RBM27: variants seen among roughly 807,000 people sequenced by gnomAD.
RBM27 encodes the protein RNA-binding protein 27.
RBM27 carries 22 observed loss-of-function variants against 135.3 expected under a neutral mutation model. The ratio of observed to expected loss-of-function variants is 0.16; its 90% CI spans 0.12 to 0.23. The LOEUF is 0.23. Among genes scored for constraint, RBM27 ranks in the 10% least tolerant of loss-of-function variants. The probability of loss-of-function intolerance (pLI) is 1.00; values close to 1 mark genes in which losing one functional copy is unlikely to be tolerated. For synonymous variants in RBM27, 481 were observed against 442.4 expected (o/e 1.09, Z -1.10); for missense variants, 1,009 against 1,281.0 (o/e 0.79, Z 3.24).
At position 146,237,303 on chromosome 5, in the gene RBM27, C is replaced by T; in HGVS notation, c.1150C>T (p.Pro384Ser). 6.2e-7 allele frequency: 1 copy of T among 1,614,090 alleles called. No individual in the cohort carries two copies. Among genetic ancestry groups the T allele is most frequent in the Non-Finnish European group, 8.5e-7 (1 of 1,180,006 alleles). ...TTTTTGTTGTCTGTATGTAGGACCA[C>T]CTATAACACAATCAAGCTTGATAAA... ...PSVVLPIPRP[P>S]ITQSSLINSR... The change falls in exon 8 of 21, where the codon CCT becomes TCT. Residue 384 changes from proline (P) to serine (S), a missense_variant. Physicochemically the swap from Pro to Ser is moderately conservative, Grantham distance 74 (BLOSUM62 -1). Around this residue, in one of 6 missense-constraint regions of RBM27, gnomAD observed 329 missense variants for 368.1 expected, o/e 0.89. Transcript: ENST00000265271.
At chr5:146,214,667 G>GT (rs1376607659) in intron 1 of RBM27, among the ~76,000 whole-genome samples, 2 of 152,128 alleles carry the variant, frequency 1.3e-5, no homozygotes, top group Non-Finnish European at 2.9e-5. Context: ...ATGTATTTAA[G>GT]TTTCACCATT....
intron 1 of RBM27, among the ~76,000 whole-genome samples, chr5:146,207,090 T>C (rs915819853): frequency 6.6e-6 from 1 of 152,214 alleles, no homozygotes; most frequent in Non-Finnish European, 1.5e-5. Flanking sequence ...ATATTCCAGA[T>C]TCAAGAAAAT....
chr5:146,285,759 G>T (rs1054098598), intron 20 of RBM27, among the ~76,000 whole-genome samples, 188 bp from the exon 21 acceptor site: 15 of 149,694 alleles, frequency 1.0e-4, no homozygotes, highest in Admixed American at 9.3e-4. Context: ...CAGGGGAGAA[G>T]AATTCATATT....
intron 19 of RBM27, among the ~76,000 whole-genome samples, chr5:146,281,219 C>T (rs553558471): frequency 3.9e-5 from 6 of 152,158 alleles, no homozygotes; most frequent in South Asian, 2.1e-4. Flanking sequence ...AAATGGCCCC[C>T]GAATGTAGTT....
rs150964882 is a variant in RBM27 at position 146,222,584 on chromosome 5, C to T, written c.179-819C>T. Among the ~76,000 whole-genome samples the T allele has an allele frequency of 1.2e-3, 184 of 152,142 alleles. 4 individuals carry two copies. In the East Asian group the frequency reaches 0.033, roughly 27 times the overall value. On this transcript the variant is annotated intron_variant, in intron 2 of 20. Transcript: ENST00000265271. ...CTGTAATCCCACCTACTCAGGAGGC[C>T]GAGGCAGGAGAATCACTTGAACCCA...
chr5:146,229,231 G>GTCA (rs1256334278), intron 4 of RBM27, among the ~76,000 whole-genome samples, 194 bp downstream of exon 4: 1 of 151,946 alleles, frequency 6.6e-6, no homozygotes, highest in African/African-American at 2.4e-5. Context: ...TTTATAAACA[G>GTCA]TCATTATTAT....
At chr5:146,242,918 A>G (rs768521824) in intron 8 of RBM27, among the ~76,000 whole-genome samples, 1 of 151,912 alleles carries the variant, frequency 6.6e-6, no homozygotes, top group Admixed American at 6.6e-5. Flanking sequence ...ATATCTTTCT[A>G]TTACCTTTAT....
At position 146,237,339 on chromosome 5, in the gene RBM27, C is replaced by G; in HGVS notation, c.1186C>G (p.Gln396Glu). 6.2e-7 allele frequency: 1 copy of G among 1,614,146 alleles called. No individual in the cohort carries two copies. Among genetic ancestry groups the G allele is most frequent in the Non-Finnish European group, 8.5e-7 (1 of 1,180,014 alleles). The change falls in exon 8 of 21, where the codon CAG becomes GAG. Residue 396 changes from glutamine (Q) to glutamate (E), a missense_variant. Gln to Glu is a conservative substitution (Grantham distance 29, BLOSUM62 2). Transcript: ENST00000265271. Reference sequence around the variant, plus strand: ...ATCAAGCTTGATAAACAGCCGTGACCAGCCTGGGACAAGTGCAGTGCCCAA... The same window carrying G: ...ATCAAGCTTGATAAACAGCCGTGACGAGCCTGGGACAAGTGCAGTGCCCAA... ...TQSSLINSRD[Q>E]PGTSAVPNLA...
At chr5:146,208,234 G>A (rs1026228713) in intron 1 of RBM27, among the ~76,000 whole-genome samples, 3 of 152,120 alleles carry the variant, frequency 2.0e-5, no homozygotes, top group African/African-American at 7.2e-5. Flanking sequence ...GATTACAGGC[G>A]TGAGCCACTG....
chr5:146,263,043 C>T (rs1365547544), intron 13 of RBM27, among the ~76,000 whole-genome samples: 1 of 152,000 alleles, frequency 6.6e-6, no homozygotes, highest in East Asian at 1.9e-4. Context: ...GCCACCACCC[C>T]TGCCCAATTT....
chr5:146,245,361 C>G (rs1757581844), intron 8 of RBM27: 1 of 152,122 alleles, frequency 6.6e-6, no homozygotes, highest in Non-Finnish European at 1.5e-5. Context: ...GTCTGTTCTG[C>G]TTCTTGAAGA....
At chr5:146,212,035 A>C (rs1038512893) in intron 1 of RBM27, among the ~76,000 whole-genome samples, 4 of 151,460 alleles carry the variant, frequency 2.6e-5, no homozygotes, top group African/African-American at 9.7e-5. Context: ...TATAACCATC[A>C]CTTTGGTTTT....
rs545668707 is a variant in RBM27, at chr5:146,237,025, G to A, written c.1145-273G>A. Among the ~76,000 whole-genome samples, 26 of 134,722 alleles carry A rather than the reference G, an allele frequency of 1.9e-4. No individual in the cohort carries two copies. In the South Asian group the frequency reaches 5.3e-3, roughly 27 times the overall value. The allele number at this position is 134,722 out of a possible 152,430, so 88.4% of individuals were successfully genotyped here. A position where few individuals can be genotyped will look rare whatever the true frequency, so the allele number is the denominator to read the frequency against. On this transcript the variant is annotated intron_variant, in intron 7 of 20. Coordinates refer to ENST00000265271, the MANE Select transcript of RBM27 (RefSeq NM_018989.2). The stretch of plus-strand genomic sequence containing the variant: ...GCGATCTCGGCTCACCGCAACCTCC[G>A]CGTCCCAGGTTCAAGCGATTCTCCT...
chr5:146,278,861 A>G (rs1284865599), intron 19 of RBM27, among the ~76,000 whole-genome samples: 3 of 151,630 alleles, frequency 2.0e-5, no homozygotes, highest in Non-Finnish European at 1.5e-5. Context: ...AGCTGGGACT[A>G]CAGGCACTCG....
chr5:146,250,712 C>T (rs1457055839), intron 8 of RBM27, among the ~76,000 whole-genome samples: 3 of 149,936 alleles, frequency 2.0e-5, no homozygotes, highest in African/African-American at 7.4e-5. Flanking sequence ...TCTTAATATC[C>T]AGGATAATTT....
chr5:146,218,788 C>G (rs1756321730), intron 1 of RBM27, among the ~76,000 whole-genome samples, 197 bp from the exon 2 acceptor site: 1 of 152,116 alleles, frequency 6.6e-6, no homozygotes, highest in Non-Finnish European at 1.5e-5. Context: ...ACATACTAGT[C>G]ATTTTGTAGA....
At chr5:146,209,927 T>C (rs1271748031) in intron 1 of RBM27, among the ~76,000 whole-genome samples, 1 of 152,224 alleles carries the variant, frequency 6.6e-6, no homozygotes, top group Non-Finnish European at 1.5e-5. Context: ...TTTAAAGATG[T>C]CTGACTTCAT....
chr5:146,215,338 C>T (rs1318238779), intron 1 of RBM27, among the ~76,000 whole-genome samples: 1 of 152,200 alleles, frequency 6.6e-6, no homozygotes, highest in Non-Finnish European at 1.5e-5. Flanking sequence ...GCATGAGCCA[C>T]TGCACCCAGC....
chr5:146,223,047 T>C (rs1295850798), intron 2 of RBM27, among the ~76,000 whole-genome samples: 1 of 152,200 alleles, frequency 6.6e-6, no homozygotes, highest in Non-Finnish European at 1.5e-5. Flanking sequence ...TACATACTGT[T>C]ATATCTTTGA....
Sources: allele counts gnomAD v4.1 joint callset (sites outside exome capture counted in the v4.1 genomes callset), GRCh38; gene constraint gnomAD v4.1.1; regional missense constraint gnomAD v4.1.1; transcripts MANE v1.5; gene names NCBI Gene and HGNC (gene_info 2026-07-23, HGNC 2026-07-21).